The following FGL1 variants were observed in gnomAD, a reference collection of about 807,000 sequenced individuals.
FGL1 encodes fibrinogen-like protein 1.
A neutral mutation model predicts 43.7 loss-of-function variants in FGL1; 59 were observed. The ratio of observed to expected loss-of-function variants is 1.35; its 90% confidence interval spans 1.10 to 1.68. FGL1 has a LOEUF of 1.68. FGL1 is among the 40% of genes most tolerant of loss of function. The probability of loss-of-function intolerance (pLI) is 0.00; values close to 1 mark genes in which losing one functional copy is unlikely to be tolerated. For synonymous variants in FGL1, 192 were observed against 126.5 expected (o/e 1.52, Z -3.48); for missense variants, 596 against 373.0 (o/e 1.60, Z -4.92).
At chr8:17,869,933 C>A (rs557653573) in intron 5 of FGL1, among the ~76,000 whole-genome samples, 3 of 151,980 alleles carry the variant, frequency 2.0e-5, no homozygotes, top group Non-Finnish European at 4.4e-5. Context: ...CACTGTGAAA[C>A]CCCGTCTCTA....
intron 1 of FGL1, among the ~76,000 whole-genome samples, chr8:17,886,717 C>T (rs932107274): frequency 1.3e-5 from 2 of 152,040 alleles, no homozygotes; most frequent in African/African-American, 4.8e-5. Context: ...GAGATCGTGC[C>T]AATGCACTCC....
chr8:17,877,774 C>G (rs2517305), intron 3 of FGL1, among the ~76,000 whole-genome samples: 1 of 151,934 alleles, frequency 6.6e-6, no homozygotes, highest in Admixed American at 6.6e-5. Context: ...TACAAACAAT[C>G]CAATTTTGCT....
chr8:17,870,645 G>C (rs747765978), intron 5 of FGL1, among the ~76,000 whole-genome samples: 2 of 152,154 alleles, frequency 1.3e-5, no homozygotes, highest in Non-Finnish European at 2.9e-5. Context: ...GGACATCCCA[G>C]GCTGCATATC....
chr8:17,894,896 T>C (rs1309374222), intron 1 of FGL1, among the ~76,000 whole-genome samples: 1 of 141,972 alleles, frequency 7.0e-6, no homozygotes, highest in Admixed American at 6.9e-5. Flanking sequence ...CATAATTATG[T>C]ATATATTATA....
chr8:17,895,242 A>G, intron 1 of FGL1: 1 of 927,520 alleles, frequency 1.1e-6, no homozygotes, highest in Non-Finnish European at 1.3e-6. Context: ...GTATATCTGT[A>G]TATTTGTATA....
At chr8:17,866,636 T>C (rs2053274287) in intron 7 of FGL1, among the ~76,000 whole-genome samples, 1 of 152,218 alleles carries the variant, frequency 6.6e-6, no homozygotes, top group Non-Finnish European at 1.5e-5. Flanking sequence ...CCTTTCTTTG[T>C]GCTCCCTGAA....
intron 7 of FGL1, 182 bp downstream of exon 7, chr8:17,868,366 G>A (rs781742878): frequency 4.4e-5 from 19 of 429,340 alleles, no homozygotes; most frequent in Non-Finnish European, 6.4e-5. Context: ...CTTTACTAAT[G>A]TACACAATGA....
At chr8:17,884,518 T>C (rs933923241) in intron 2 of FGL1, among the ~76,000 whole-genome samples, 15 of 152,098 alleles carry the variant, frequency 9.9e-5, no homozygotes, top group Admixed American at 2.6e-4. Context: ...TTCTTATTTG[T>C]TCTTGTTACT....
intron 7 of FGL1, among the ~76,000 whole-genome samples, chr8:17,867,894 A>G (rs1005442429): frequency 6.6e-6 from 1 of 152,222 alleles, no homozygotes; most frequent in Non-Finnish European, 1.5e-5. Flanking sequence ...ACATGGCAAA[A>G]CCCCATCTCT....
At chr8:17,874,174 AC>A in intron 4 of FGL1, 58 bp from the exon 5 acceptor site, 1 of 1,410,730 alleles carries the variant, frequency 7.1e-7, no homozygotes, top group Non-Finnish European at 9.9e-7. Context: ...TACCAAAGCG[AC>A]CACCACCCAC....
At chr8:17,894,720 G>A (rs757926996) in intron 1 of FGL1, among the ~76,000 whole-genome samples, 1 of 146,150 alleles carries the variant, frequency 6.8e-6, no homozygotes, top group Non-Finnish European at 1.5e-5. Flanking sequence ...AACAAAAAAC[G>A]CCTAGAGCTT....
intron 1 of FGL1, 190 bp from the exon 2 acceptor site, chr8:17,885,761 A>G: frequency 1.9e-6 from 1 of 528,200 alleles, no homozygotes; most frequent in Non-Finnish European, 3.4e-6. Flanking sequence ...GTTAACTAGA[A>G]TTGAATCTGT....
chr8:17,880,491 G>A (rs1434002873), intron 3 of FGL1, among the ~76,000 whole-genome samples: 2 of 152,100 alleles, frequency 1.3e-5, no homozygotes, highest in African/African-American at 4.8e-5. Context: ...TAGTCAAATA[G>A]GTGTCCGAAT....
chr8:17,882,246 A>T (rs2053548691), intron 2 of FGL1, 67 bp from the exon 3 acceptor site: 1 of 1,392,460 alleles, frequency 7.2e-7, no homozygotes, highest in African/African-American at 1.5e-5. Context: ...CTTTTTAAAC[A>T]TTTGGATAAA....
In FGL1 at chr8:17,864,612, A is replaced by G. The variant is rs1447608946; in HGVS notation, c.919T>C (p.Phe307Leu). The change falls in exon 8 of 8, where the codon TTT (phenylalanine) becomes CTT (leucine). Residue 307 changes from phenylalanine (F) to leucine (L), a missense_variant. Physicochemically the swap from Phe to Leu is conservative, Grantham distance 22 (BLOSUM62 0). Transcript: ENST00000427924. ...SVVMKIRPND[F>L]IPNVI Reference sequence around the variant, plus strand: ...AGCAATTAAATTACATTTGGAATAAAATCATTTGGCCTAATTTTCATAACC... The same window carrying G: ...AGCAATTAAATTACATTTGGAATAAGATCATTTGGCCTAATTTTCATAACC... 6.2e-7 allele frequency: 1 copy of G among 1,608,116 alleles called. No individual in the cohort carries two copies. Among genetic ancestry groups the G allele is most frequent in the East Asian group, 2.2e-5 (1 of 44,852 alleles).
chr8:17,872,757 C>T (rs2517292), intron 5 of FGL1, among the ~76,000 whole-genome samples: 12,026 of 152,094 alleles, frequency 0.079, 896 homozygotes, highest in African/African-American at 0.2. Context: ...AGCAAAAGAA[C>T]ATGGGAGATA....
At chr8:17,865,038 A>G (rs1043571125) in intron 7 of FGL1, among the ~76,000 whole-genome samples, 17 of 151,906 alleles carry the variant, frequency 1.1e-4, no homozygotes, top group African/African-American at 4.1e-4. Flanking sequence ...CTCCTGCCTC[A>G]GCCTTCCAAA....
Position 17,893,535 on chromosome 8 carries a change from T to C in FGL1, c.-18+1912A>G, listed in dbSNP as rs912432633. ...GACAGGCCTCTGTCTCTTGATGTCCTGAAATGTTTATCTCACTACCATTAA... is the reference window on the plus strand; with the variant it reads ...GACAGGCCTCTGTCTCTTGATGTCCCGAAATGTTTATCTCACTACCATTAA... On this transcript the variant is annotated intron_variant, in intron 1 of 7. Coordinates refer to ENST00000427924, the MANE Select transcript of FGL1 (RefSeq NM_004467.4). Among the ~76,000 whole-genome samples, 19 of 150,530 alleles carry C rather than the reference T, an allele frequency of 1.3e-4. No individual in the cohort carries two copies. The East Asian group carries it at 3.5e-3, about 27-fold the overall frequency.
In FGL1 at chr8:17,864,539, C is replaced by T; in HGVS notation, c.*53G>A. ...GGATATGTTCAGAATGAGTATTTTTCAAATCACTTTAAACAAAGCTGAATT... is the reference window on the plus strand; with the variant it reads ...GGATATGTTCAGAATGAGTATTTTTTAAATCACTTTAAACAAAGCTGAATT... On this transcript the variant is annotated 3_prime_UTR_variant, in exon 8 of 8. Transcript: ENST00000427924. 1 of 1,546,916 alleles carries T rather than the reference C, an allele frequency of 6.5e-7. No individual in the cohort carries two copies. Among genetic ancestry groups the T allele is most frequent in the African/African-American group, 1.4e-5 (1 of 72,750 alleles).
Sources: gnomAD v4.1 joint callset for allele counts (sites outside exome capture counted in the v4.1 genomes callset) on GRCh38, gnomAD v4.1.1 for gene constraint, MANE v1.5 for transcripts, NCBI Gene and HGNC (gene_info 2026-07-23, HGNC 2026-07-21) for gene names.